KIAA2012: variants seen among roughly 807,000 people sequenced by gnomAD.
KIAA2012 encodes uncharacterized protein KIAA2012.
In KIAA2012, 125 loss-of-function variants were observed where a neutral mutation model predicts 150.6. The observed-to-expected ratio is 0.83, with a 90% CI of 0.72 to 0.96. KIAA2012 has a LOEUF of 0.96. KIAA2012 is among the 40% of genes least tolerant of loss of function. The probability of loss-of-function intolerance (pLI) is 0.00; values close to 1 mark genes in which losing one functional copy is unlikely to be tolerated. For missense variants in KIAA2012, 1,219 were observed against 1,354.9 expected, an observed-to-expected ratio of 0.90 and a Z score of 1.57; for synonymous variants, 462 against 504.7, an observed-to-expected ratio of 0.92 and a Z score of 1.13.
At chr2:202,126,654 T>TGGTGAC (rs1690798714) in intron 12 of KIAA2012, among the ~76,000 whole-genome samples, 2 of 132,274 alleles carry the variant, frequency 1.5e-5, no homozygotes, top group Non-Finnish European at 3.3e-5. Flanking sequence ...GTGGTGGTGG[T>TGGTGAC]GGTGACAGCT....
intron 11 of KIAA2012, among the ~76,000 whole-genome samples, chr2:202,121,133 T>C (rs996411307): frequency 2.6e-5 from 4 of 152,140 alleles, no homozygotes; most frequent in African/African-American, 9.7e-5. Context: ...GCTTCAACCA[T>C]GTGGAAGAGA....
intron 9 of KIAA2012, among the ~76,000 whole-genome samples, chr2:202,107,503 G>A (rs967857423): frequency 3.9e-5 from 6 of 152,070 alleles, no homozygotes; most frequent in African/African-American, 4.8e-5. Context: ...CTGGAGCCAC[G>A]AGATAAAGGA....
chr2:202,185,367 C>T (rs555709919), intron 16 of KIAA2012, among the ~76,000 whole-genome samples: 1 of 152,296 alleles, frequency 6.6e-6, no homozygotes, highest in East Asian at 1.9e-4. Flanking sequence ...GGCGTGGCCT[C>T]TCTGCCTCCA....
At chr2:202,140,080 T>C (rs906502592) in intron 13 of KIAA2012, among the ~76,000 whole-genome samples, 1 of 151,912 alleles carries the variant, frequency 6.6e-6, no homozygotes, top group Non-Finnish European at 1.5e-5. Context: ...ATACAAAAAT[T>C]AGCTGGGCAT....
At chr2:202,170,071 G>C (rs897984505) in intron 15 of KIAA2012, among the ~76,000 whole-genome samples, 1 of 152,180 alleles carries the variant, frequency 6.6e-6, no homozygotes, top group Non-Finnish European at 1.5e-5. Context: ...GGGAAGGCTG[G>C]TCTGCCACCT....
intron 9 of KIAA2012, 30 bp from the exon 10 acceptor site, chr2:202,109,583 C>G: frequency 6.7e-7 from 1 of 1,491,086 alleles, no homozygotes; most frequent in Non-Finnish European, 8.9e-7. Context: ...TGTTTTCTCA[C>G]ACAGGCTTTT....
In KIAA2012 at chr2:202,090,838, G is replaced by C. The variant is rs1689700464; in HGVS notation, c.438G>C (p.Arg146=). Residue 146 remains arginine (R), a synonymous_variant, in exon 3 of 24, where the codon CGG becomes CGC. Transcript: ENST00000498697. The part of the protein sequence containing the change: ...FRSQLESQAQ[R]QIQPGHSAKR... ...GCCAGCTGGAGAGCCAGGCCCAACGGCAGATCCAGCCAGGGCATTCAGCCA... is the reference window on the plus strand; with the variant it reads ...GCCAGCTGGAGAGCCAGGCCCAACGCCAGATCCAGCCAGGGCATTCAGCCA... The C allele has an allele frequency of 6.4e-7, 1 of 1,550,602 alleles. No homozygotes were observed.
chr2:202,117,497 G>T (rs1277249621), intron 11 of KIAA2012, among the ~76,000 whole-genome samples: 2 of 152,218 alleles, frequency 1.3e-5, no homozygotes, highest in East Asian at 3.9e-4. Flanking sequence ...ATGATGCCGA[G>T]AGATGTAAGG....
chr2:202,139,869 C>G (rs1691163187), intron 13 of KIAA2012, among the ~76,000 whole-genome samples: 1 of 152,182 alleles, frequency 6.6e-6, no homozygotes, highest in Non-Finnish European at 1.5e-5. Flanking sequence ...CTCACATACC[C>G]TAAACACACC....
At chr2:202,194,463 G>C in intron 21 of KIAA2012, 101 bp downstream of exon 21, 2 of 1,221,908 alleles carry the variant, frequency 1.6e-6, no homozygotes, top group Admixed American at 5.5e-5. Context: ...AGGCCTTAGT[G>C]TGTTAAGCAC....
intron 14 of KIAA2012, among the ~76,000 whole-genome samples, chr2:202,156,192 G>A (rs1325423453): frequency 1.3e-5 from 2 of 151,844 alleles, no homozygotes; most frequent in African/African-American, 4.8e-5. Flanking sequence ...GCAACATAGT[G>A]AGACCCCATC....
At chr2:202,130,676 G>A (rs1690909845) in intron 12 of KIAA2012, among the ~76,000 whole-genome samples, 1 of 152,138 alleles carries the variant, frequency 6.6e-6, no homozygotes, top group South Asian at 2.1e-4. Context: ...CAACACTTTG[G>A]GAGGCCAAGG....
chr2:202,181,787 G>A, intron 15 of KIAA2012, among the ~76,000 whole-genome samples: 1 of 152,066 alleles, frequency 6.6e-6, no homozygotes, highest in East Asian at 1.9e-4. Flanking sequence ...GTTCTTGTTT[G>A]TTTTTACCGT....
chr2:202,184,187 C>T (rs1692178923), intron 15 of KIAA2012, among the ~76,000 whole-genome samples: 1 of 151,978 alleles, frequency 6.6e-6, no homozygotes, highest in African/African-American at 2.4e-5. Context: ...AGTTCAAGAC[C>T]AGCCTGGCCA....
rs559606261 is a variant in KIAA2012, at chr2:202,113,439, G to T, written c.1755G>T (p.Ser585=). The change falls in exon 11 of 24, where the codon TCG becomes TCT. Residue 585 remains serine, a synonymous_variant. Coordinates refer to ENST00000498697, the MANE Select transcript of KIAA2012 (RefSeq NM_001277372.4). ...ATACCCAAACCGAGGCGCTTCCATCGGGTAAAGGTAAGCTAACACATTCCA... is the reference window on the plus strand; with the variant it reads ...ATACCCAAACCGAGGCGCTTCCATCTGGTAAAGGTAAGCTAACACATTCCA... ...PGHTQTEALP[S]GKAYESVNSN... 34 of 1,549,228 alleles carry T rather than the reference G, an allele frequency of 2.2e-5. No individual in the cohort carries two copies. The East Asian group carries it at 2.9e-4, about 13-fold the overall frequency.
chr2:202,106,180 C>G (rs1559205996), intron 9 of KIAA2012, among the ~76,000 whole-genome samples: 1 of 152,040 alleles, frequency 6.6e-6, no homozygotes, highest in Non-Finnish European at 1.5e-5. Flanking sequence ...GTTACTTACC[C>G]CCTAACTCAT....
chr2:202,145,488 A>G, intron 13 of KIAA2012, among the ~76,000 whole-genome samples: 1 of 152,232 alleles, frequency 6.6e-6, no homozygotes, highest in South Asian at 2.1e-4. Flanking sequence ...TGCAACTATC[A>G]TTTATTCCAA....
At chr2:202,121,375 T>C (rs977245529) in intron 11 of KIAA2012, among the ~76,000 whole-genome samples, 46 of 152,188 alleles carry the variant, frequency 3.0e-4, no homozygotes, top group African/African-American at 1.1e-3. Flanking sequence ...TTTGTGAAAA[T>C]CAAATCAGAT....
chr2:202,114,064 G>A (rs1232435951), intron 11 of KIAA2012: 1 of 152,432 alleles, frequency 6.6e-6, no homozygotes, highest in African/African-American at 2.4e-5. Flanking sequence ...GCTCCTTGAT[G>A]TGGGAGATTA....
Sources: allele counts gnomAD v4.1 joint callset (sites outside exome capture counted in the v4.1 genomes callset), GRCh38; gene constraint gnomAD v4.1.1; transcripts MANE v1.5; gene names NCBI Gene and HGNC (gene_info 2026-07-23, HGNC 2026-07-21).